The following RBFOX1 variants were observed in gnomAD, a reference collection of about 807,000 sequenced individuals.
The protein encoded by RBFOX1 is RNA binding fox-1 homolog 1.
RBFOX1 carries 8 observed loss-of-function variants against 57.7 expected under a neutral mutation model. The observed-to-expected ratio is 0.14, with a 90% confidence interval of 0.08 to 0.25. The LOEUF (loss-of-function observed/expected upper bound fraction) is 0.25, where lower values mean the gene tolerates loss of function less well. Among genes scored for constraint, RBFOX1 ranks in the 10% least tolerant of loss-of-function variants. RBFOX1 has a pLI of 1.00. For synonymous variants in RBFOX1, 326 were observed against 222.4 expected, an observed-to-expected ratio of 1.47 and a Z score of -4.15; for missense variants, 611 against 548.5, an observed-to-expected ratio of 1.11 and a Z score of -1.14.
chr16:7,220,864 T>C (rs1201556834), intron 4 of RBFOX1, among the ~76,000 whole-genome samples: 3 of 152,072 alleles, frequency 2.0e-5, no homozygotes, highest in African/African-American at 7.2e-5. Context: ...CCCATCCTAC[T>C]TTCTGCTTGT....
intron 3 of RBFOX1, among the ~76,000 whole-genome samples, chr16:6,891,814 C>A (rs776021740): frequency 6.6e-6 from 1 of 152,158 alleles, no homozygotes; most frequent in Non-Finnish European, 1.5e-5. Context: ...GTTGAGCCAG[C>A]CTAATGTAGG....
chr16:7,410,931 A>G (rs77332375), intron 4 of RBFOX1, among the ~76,000 whole-genome samples: 3,562 of 151,772 alleles, frequency 0.023, 152 homozygotes, highest in African/African-American at 0.082. Context: ...CCTAGTAATC[A>G]ACTTGAATTA....
chr16:5,956,928 C>T (rs1208742768), intron 4 of RBFOX1, among the ~76,000 whole-genome samples: 1 of 151,650 alleles, frequency 6.6e-6, no homozygotes, highest in African/African-American at 2.4e-5. Flanking sequence ...CTTGGCATCC[C>T]AAAGTGCTAG....
At chr16:7,225,919 T>TATATATAA (rs1315130232) in intron 4 of RBFOX1, among the ~76,000 whole-genome samples, 5,684 of 142,110 alleles carry the variant, frequency 0.04, 219 homozygotes, top group Middle Eastern at 0.068. Context: ...TATATATATA[T>TATATATAA]AAATGTGAAT....
chr16:7,509,430 GTC>G (rs1182134542), intron 4 of RBFOX1, among the ~76,000 whole-genome samples: 117 of 141,656 alleles, frequency 8.3e-4, no homozygotes, highest in Non-Finnish European at 1.3e-3. Flanking sequence ...GTGTGTGTGT[GTC>G]TGTGTCTGTG....
chr16:6,792,481 C>G (rs1176250362), intron 3 of RBFOX1, among the ~76,000 whole-genome samples: 3 of 152,136 alleles, frequency 2.0e-5, no homozygotes, highest in East Asian at 3.9e-4. Context: ...GAGATGAATT[C>G]CATATTTTTG....
At chr16:5,458,836 T>C (rs1326348571) in intron 1 of RBFOX1, among the ~76,000 whole-genome samples, 1 of 152,230 alleles carries the variant, frequency 6.6e-6, no homozygotes, top group Non-Finnish European at 1.5e-5. Context: ...TCCTGATGGG[T>C]ACCAGGAATG....
At chr16:5,585,079 G>T (rs1204832848) in intron 2 of RBFOX1, among the ~76,000 whole-genome samples, 8 of 152,066 alleles carry the variant, frequency 5.3e-5, no homozygotes, top group African/African-American at 1.9e-4. Flanking sequence ...TACTTTCACA[G>T]TGTTGTACAG....
chr16:5,665,134 G>GGA (rs1555497017), intron 3 of RBFOX1, among the ~76,000 whole-genome samples: 3 of 141,104 alleles, frequency 2.1e-5, no homozygotes, highest in East Asian at 2.3e-4. Flanking sequence ...TTTTACATGG[G>GGA]GGGGGGCGGT....
At position 5,369,944 on chromosome 16, in the gene RBFOX1, G is replaced by A. The variant is rs189732875; in HGVS notation, c.220-97272G>A. The stretch of plus-strand genomic sequence containing the variant: ...ATGTTAGGAAAGACAGCATGATGGG[G>A]TCATGGGGAGGCATCGCTTAGAGTG... On this transcript the variant is annotated intron_variant, in intron 1 of 2. Transcript: ENST00000585867. 5.9e-5 allele frequency among the ~76,000 whole-genome samples: 9 copies of A among 152,262 alleles called. No individual in the cohort carries two copies. In the East Asian group the frequency reaches 1.7e-3, roughly 30 times the overall value.
At chr16:7,246,463 C>G (rs552463355) in intron 4 of RBFOX1, among the ~76,000 whole-genome samples, 2 of 152,066 alleles carry the variant, frequency 1.3e-5, no homozygotes, top group Non-Finnish European at 2.9e-5. Context: ...AAATCAAACT[C>G]GTTGTTTTGC....
intron 3 of RBFOX1, among the ~76,000 whole-genome samples, chr16:7,001,418 GTA>G (rs1568312125): frequency 7.3e-6 from 1 of 137,060 alleles, no homozygotes; most frequent in Non-Finnish European, 1.5e-5. Context: ...ATATGTATAT[GTA>G]TATGTATATG....
At chr16:5,666,903 T>C (rs2049862121) in intron 3 of RBFOX1, among the ~76,000 whole-genome samples, 1 of 152,198 alleles carries the variant, frequency 6.6e-6, no homozygotes, top group Admixed American at 6.5e-5. Flanking sequence ...TAAGTATATC[T>C]CTGCTTTGTG....
intron 1 of RBFOX1, among the ~76,000 whole-genome samples, chr16:6,217,955 G>A (rs1331979347): frequency 1.3e-5 from 2 of 152,222 alleles, no homozygotes; most frequent in Non-Finnish European, 2.9e-5. Flanking sequence ...GGTGGAGGTT[G>A]TAGTGAGCTG....
Position 6,222,637 on chromosome 16 carries a change from TCA to T in RBFOX1, c.-126-94357_-126-94356del, listed in dbSNP as rs2097383070. On this transcript the variant is annotated intron_variant, in intron 1 of 15. Transcript: ENST00000550418. ...GGGCCCCTGTTCCAGAGACTGTGAT[TCA>T]GTGATTCAGTAGGTCTTGGGTAGAA... Among the ~76,000 whole-genome samples the T allele has an allele frequency of 4.4e-3, 4 of 900 alleles. No individual in the cohort carries two copies. In the Admixed American group the frequency reaches 0.15, roughly 35 times the overall value. The allele number at this position is 900 out of a possible 152,430, so 0.6% of individuals were successfully genotyped here. A position where few individuals can be genotyped will look rare whatever the true frequency, so the allele number is the denominator to read the frequency against.
At chr16:6,722,117 AC>A (rs1179972676) in intron 3 of RBFOX1, among the ~76,000 whole-genome samples, 1 of 152,208 alleles carries the variant, frequency 6.6e-6, no homozygotes, top group Non-Finnish European at 1.5e-5. Context: ...GCGCGGTTGC[AC>A]AGATATCTCT....
intron 4 of RBFOX1, among the ~76,000 whole-genome samples, chr16:7,153,204 T>A (rs993274231): frequency 2.6e-4 from 38 of 147,834 alleles, no homozygotes; most frequent in African/African-American, 7.6e-4. Flanking sequence ...ATTTTTTTTT[T>A]AAATTCTGCA....
rs533480584 is a variant in RBFOX1 at position 7,364,041 on chromosome 16, C to T, written c.28-154106C>T. Among the ~76,000 whole-genome samples the T allele has an allele frequency of 2.0e-4, 31 of 152,308 alleles. 1 individual carries two copies. Among genetic ancestry groups the T allele is most frequent in the South Asian group, 6.2e-4 (3 of 4,832 alleles). On this transcript the variant is annotated intron_variant, in intron 4 of 15. Transcript: ENST00000550418. ...TTGTAGGTGCGATGGAAAAGTAGAA[C>T]AGCCAGTCAGCTTTGGGACTCCCAA...
chr16:5,769,457 A>T (rs2053901920), intron 3 of RBFOX1, among the ~76,000 whole-genome samples: 1 of 150,862 alleles, frequency 6.6e-6, no homozygotes, highest in African/African-American at 2.4e-5. Flanking sequence ...CCTGGCCAAC[A>T]TGATGAAAGC....
Sources: allele counts gnomAD v4.1 joint callset (sites outside exome capture counted in the v4.1 genomes callset), GRCh38; gene constraint gnomAD v4.1.1; transcripts MANE v1.5; gene names NCBI Gene and HGNC (gene_info 2026-07-23, HGNC 2026-07-21).